Variants in ADAM9 observed in about 807,000 individuals in gnomAD.
ADAM9 encodes the protein ADAM metallopeptidase domain 9, also known as disintegrin and metalloproteinase domain-containing protein 9.
In ADAM9, 54 loss-of-function variants were observed where a neutral mutation model predicts 108.1. The ratio of observed to expected loss-of-function variants is 0.50; its 90% CI spans 0.40 to 0.63. The LOEUF is 0.63. Ranked by LOEUF, ADAM9 falls within the 20% of genes least tolerant of loss-of-function variation. The pLI is 0.00. For missense variants in ADAM9, 830 were observed against 997.7 expected, an observed-to-expected ratio of 0.83 and a Z score of 2.26; for synonymous variants, 316 against 336.0, an observed-to-expected ratio of 0.94 and a Z score of 0.65.
intron 11 of ADAM9, among the ~76,000 whole-genome samples, chr8:39,031,820 A>G (rs1278635251): frequency 1.3e-5 from 2 of 152,158 alleles, no homozygotes; most frequent in African/African-American, 2.4e-5. Context: ...CTGATGACCT[A>G]CAGATGGGGT....
chr8:39,000,878 G>A lies in ADAM9; in HGVS notation c.97+3718G>A, dbSNP rs143080566. Among the ~76,000 whole-genome samples, 61 of 152,224 alleles carry A rather than the reference G, an allele frequency of 4.0e-4. No homozygotes were observed. In the East Asian group the frequency reaches 0.011, roughly 27 times the overall value. On this transcript the variant is annotated intron_variant, in intron 1 of 21. Coordinates refer to ENST00000487273, the MANE Select transcript of ADAM9 (RefSeq NM_003816.3). ...TTATGTTTATGGTAATGTAAGTATT[G>A]TGTTACTAAACCTTACTGGAAGAAA...
chr8:39,045,887 T>A (rs1837754852), intron 12 of ADAM9, among the ~76,000 whole-genome samples: 1 of 152,092 alleles, frequency 6.6e-6, no homozygotes, highest in South Asian at 2.1e-4. Context: ...GCCTTTTTTT[T>A]TTTGACTTTT....
chr8:39,025,507 T>A (rs183927923), intron 9 of ADAM9, among the ~76,000 whole-genome samples: 1 of 152,306 alleles, frequency 6.6e-6, no homozygotes, highest in Admixed American at 6.5e-5. Flanking sequence ...TTTTAATATA[T>A]AGTTAAATAT....
rs1429783429 is a variant in ADAM9, at chr8:39,094,912, GCTCTGAACTTCA to G, written c.2298+3569_2298+3580del. 7.5e-4 allele frequency among the ~76,000 whole-genome samples: 113 copies of G among 151,490 alleles called. 1 individual carries two copies. The highest frequency in any genetic ancestry group is 2.6e-3 in the African/African-American group (107 of 41,288). On this transcript the variant is annotated intron_variant, in intron 20 of 21. Transcript: ENST00000487273. Reference sequence around the variant, plus strand: ...TTTTTCCAGTATTTCATTCATTTTTGCTCTGAACTTCACTATTCCCTTTCTTCTACTAACTTT... The same window carrying G: ...TTTTTCCAGTATTTCATTCATTTTTGCTATTCCCTTTCTTCTACTAACTTT...
At chr8:39,081,308 T>TA (rs1234095660) in intron 16 of ADAM9, among the ~76,000 whole-genome samples, 1 of 152,142 alleles carries the variant, frequency 6.6e-6, no homozygotes, top group Admixed American at 6.5e-5. Flanking sequence ...TTCCACAAGG[T>TA]AAACACTGCC....
chr8:39,045,889 T>TC (rs1471656766), intron 12 of ADAM9, among the ~76,000 whole-genome samples: 2 of 152,082 alleles, frequency 1.3e-5, no homozygotes, highest in African/African-American at 4.8e-5. Flanking sequence ...CTTTTTTTTT[T>TC]TGACTTTTTA....
At chr8:39,045,363 GGTGTGTGTACA>G (rs1564300757) in intron 12 of ADAM9, among the ~76,000 whole-genome samples, 516 of 40,158 alleles carry the variant, frequency 0.013, 33 homozygotes, top group Admixed American at 0.022. Flanking sequence ...CATACATATA[GGTGTGTGTACA>G]TACACCTATA....
intron 14 of ADAM9, among the ~76,000 whole-genome samples, chr8:39,066,560 A>G (rs1400799216): frequency 1.3e-5 from 2 of 152,230 alleles, no homozygotes; most frequent in East Asian, 3.9e-4. Context: ...CTTTTGAGAA[A>G]TGTCTGTTCA....
intron 14 of ADAM9, among the ~76,000 whole-genome samples, chr8:39,065,997 C>T (rs932505298): frequency 3.9e-5 from 6 of 152,054 alleles, no homozygotes; most frequent in Non-Finnish European, 5.9e-5. Context: ...TGAGAACATG[C>T]GGTGTTTGGT....
At chr8:39,090,836 T>G (rs1839330651) in intron 19 of ADAM9, among the ~76,000 whole-genome samples, 4 of 152,246 alleles carry the variant, frequency 2.6e-5, no homozygotes. Context: ...TGCACTGATT[T>G]GCTGTCACTT....
At chr8:39,054,373 A>T in intron 12 of ADAM9, 108 bp from the exon 13 acceptor site, 2 of 975,924 alleles carry the variant, frequency 2.0e-6, no homozygotes, top group Non-Finnish European at 3.2e-6. Context: ...GGTAACTGCT[A>T]CAATCATGTT....
At chr8:39,069,033 A>T (rs1192585956) in intron 14 of ADAM9, among the ~76,000 whole-genome samples, 1 of 152,116 alleles carries the variant, frequency 6.6e-6, no homozygotes, top group Admixed American at 6.5e-5. Flanking sequence ...GCCCCTCCTT[A>T]TTCTCTATAG....
intron 14 of ADAM9, among the ~76,000 whole-genome samples, chr8:39,069,020 C>T (rs73602763): frequency 1.8e-3 from 271 of 152,306 alleles, no homozygotes; most frequent in African/African-American, 6.2e-3. Flanking sequence ...ATTCCTGCCA[C>T]CTGCCCCTCC....
At chr8:39,070,190 C>T (rs890269422) in intron 14 of ADAM9, among the ~76,000 whole-genome samples, 1 of 151,488 alleles carries the variant, frequency 6.6e-6, no homozygotes, top group African/African-American at 2.4e-5. Flanking sequence ...ATGTAACTGC[C>T]CGTTTTCAAT....
intron 16 of ADAM9, among the ~76,000 whole-genome samples, chr8:39,081,422 G>A (rs542604983): frequency 2.6e-5 from 4 of 152,162 alleles, no homozygotes; most frequent in Non-Finnish European, 4.4e-5. Context: ...TCAGGTGTCC[G>A]CTATGAATCA....
intron 12 of ADAM9, among the ~76,000 whole-genome samples, chr8:39,048,496 A>ATGTGAG (rs1411331599): frequency 1.3e-5 from 2 of 152,220 alleles, no homozygotes; most frequent in Non-Finnish European, 2.9e-5. Flanking sequence ...GTGACCTAAA[A>ATGTGAG]TGTGAGCCTG....
intron 6 of ADAM9, among the ~76,000 whole-genome samples, chr8:39,018,438 C>T (rs1382945039): frequency 1.3e-5 from 2 of 152,148 alleles, no homozygotes; most frequent in African/African-American, 2.4e-5. Context: ...CTTTATCTCT[C>T]AGCATAGTAA....
chr8:39,098,808 T>C (rs928497293), intron 20 of ADAM9, among the ~76,000 whole-genome samples: 4 of 152,196 alleles, frequency 2.6e-5, no homozygotes, highest in Admixed American at 6.5e-5. Context: ...GTGATGTTGA[T>C]TGTAAACTCA....
At chr8:39,046,226 G>T (rs879438905) in intron 12 of ADAM9, among the ~76,000 whole-genome samples, 2 of 152,020 alleles carry the variant, frequency 1.3e-5, no homozygotes, top group African/African-American at 2.4e-5. Flanking sequence ...TGTTTTCAAT[G>T]CTATTGTAAA....
Sources: allele counts gnomAD v4.1 joint callset (sites outside exome capture counted in the v4.1 genomes callset), GRCh38; gene constraint gnomAD v4.1.1; transcripts MANE v1.5; gene names NCBI Gene and HGNC (gene_info 2026-07-23, HGNC 2026-07-21).